The following JARID2 variants were observed in gnomAD, a reference collection of about 807,000 sequenced individuals.
The protein encoded by JARID2 is jumonji and AT-rich interaction domain containing 2, also known as protein Jumonji.
JARID2 carries 21 observed loss-of-function variants against 125.6 expected under a neutral mutation model. The observed-to-expected ratio is 0.17, with a 90% CI of 0.12 to 0.24. The LOEUF (loss-of-function observed/expected upper bound fraction) is 0.24, where lower values mean the gene tolerates loss of function less well. Ranked by LOEUF, JARID2 falls within the 10% of genes least tolerant of loss-of-function variation. The probability of loss-of-function intolerance (pLI) is 1.00; values close to 1 mark genes in which losing one functional copy is unlikely to be tolerated. For missense variants in JARID2, 1,303 were observed against 1,639.6 expected (o/e 0.79, Z 3.55); for synonymous variants, 736 against 661.6 (o/e 1.11, Z -1.73).
At chr6:15,287,980 A>G (rs1472814338) in intron 1 of JARID2, among the ~76,000 whole-genome samples, 1 of 152,164 alleles carries the variant, frequency 6.6e-6, no homozygotes, top group Non-Finnish European at 1.5e-5. Context: ...GAATACTTGT[A>G]TCTTGGATGA....
chr6:15,378,353 CAT>C, intron 2 of JARID2, among the ~76,000 whole-genome samples: 1 of 152,178 alleles, frequency 6.6e-6, no homozygotes, highest in East Asian at 1.9e-4. Context: ...TAGGAGGTGA[CAT>C]ATGCTGTGCA....
chr6:15,447,920 T>C (rs1767745202), intron 3 of JARID2, among the ~76,000 whole-genome samples: 1 of 152,194 alleles, frequency 6.6e-6, no homozygotes, highest in African/African-American at 2.4e-5. Context: ...TTTTCCTATA[T>C]CCAGCATTCT....
chr6:15,382,164 G>T (rs9358059), intron 2 of JARID2, among the ~76,000 whole-genome samples: 57,054 of 152,080 alleles, frequency 0.38, 10,869 homozygotes, highest in Admixed American at 0.45. Flanking sequence ...TCAGGAGGTT[G>T]AAGCAGGAGA....
intron 1 of JARID2, among the ~76,000 whole-genome samples, chr6:15,307,955 A>G (rs1320539968): frequency 6.6e-6 from 1 of 152,194 alleles, no homozygotes; most frequent in East Asian, 1.9e-4. Flanking sequence ...GTCAACTAAA[A>G]CAAGCACTTG....
intron 1 of JARID2, among the ~76,000 whole-genome samples, chr6:15,272,066 A>G (rs1344739816): frequency 6.6e-6 from 1 of 152,126 alleles, no homozygotes; most frequent in African/African-American, 2.4e-5. Context: ...TGGAGGTTGC[A>G]GCGAGCCAGG....
intron 1 of JARID2, among the ~76,000 whole-genome samples, chr6:15,343,979 G>A (rs562161560): frequency 2.0e-5 from 3 of 152,172 alleles, no homozygotes; most frequent in Non-Finnish European, 2.9e-5. Context: ...CTGATCCTGC[G>A]GAGAGGACCC....
intron 4 of JARID2, among the ~76,000 whole-genome samples, chr6:15,455,759 C>G (rs1019529815): frequency 9.9e-5 from 15 of 152,228 alleles, no homozygotes; most frequent in Admixed American, 6.5e-5. Flanking sequence ...AACTCCTGAC[C>G]TCAGGTGATC....
At chr6:15,338,444 G>T (rs1443601892) in intron 1 of JARID2, among the ~76,000 whole-genome samples, 1 of 152,230 alleles carries the variant, frequency 6.6e-6, no homozygotes, top group African/African-American at 2.4e-5. Context: ...GCTTCAGAAA[G>T]AAACCATTTA....
intron 1 of JARID2, among the ~76,000 whole-genome samples, chr6:15,287,146 A>G (rs1271009793): frequency 6.6e-6 from 1 of 151,690 alleles, no homozygotes; most frequent in East Asian, 1.9e-4. Context: ...AGAAAACACA[A>G]ACAAACAAAC....
At chr6:15,416,293 G>A (rs1040489146) in intron 3 of JARID2, among the ~76,000 whole-genome samples, 7 of 152,188 alleles carry the variant, frequency 4.6e-5, no homozygotes, top group African/African-American at 1.4e-4. Context: ...GGTGGCGGCC[G>A]GGCAGAGGCT....
chr6:15,275,113 A>G (rs1461036026), intron 1 of JARID2, among the ~76,000 whole-genome samples: 2 of 151,988 alleles, frequency 1.3e-5, no homozygotes, highest in African/African-American at 4.8e-5. Flanking sequence ...ACCAGTGGAG[A>G]AGGTGTGTGG....
intron 1 of JARID2, among the ~76,000 whole-genome samples, chr6:15,316,145 T>C (rs1364068257): frequency 6.6e-6 from 1 of 151,800 alleles, no homozygotes; most frequent in Admixed American, 6.6e-5. Context: ...TGACATGGAG[T>C]CTCACTCTTG....
chr6:15,250,229 T>C (rs891047295), intron 1 of JARID2, among the ~76,000 whole-genome samples: 7 of 152,228 alleles, frequency 4.6e-5, no homozygotes, highest in African/African-American at 1.4e-4. Flanking sequence ...GTTTTTGTTA[T>C]AAGCTTCAAA....
intron 3 of JARID2, among the ~76,000 whole-genome samples, chr6:15,445,230 G>A (rs1767623112): frequency 6.6e-6 from 1 of 152,170 alleles, no homozygotes. Context: ...TGGGGAGGAA[G>A]GGGCACAGGG....
At position 15,426,707 on chromosome 6, in the gene JARID2, C is replaced by T. The variant is rs1329030771; in HGVS notation, c.323+16342C>T. Reference sequence around the variant, plus strand: ...TGTCTTCACCTTAGTAAATGAAAAACAAACCCCAATCTTGCTTGCTTGCTG... The same window carrying T: ...TGTCTTCACCTTAGTAAATGAAAAATAAACCCCAATCTTGCTTGCTTGCTG... On this transcript the variant is annotated intron_variant, in intron 3 of 17. Coordinates refer to ENST00000341776, the MANE Select transcript of JARID2 (RefSeq NM_004973.4). 2.6e-5 allele frequency among the ~76,000 whole-genome samples: 4 copies of T among 152,284 alleles called. No individual in the cohort carries two copies. The East Asian group carries it at 5.8e-4, about 22-fold the overall frequency.
intron 1 of JARID2, among the ~76,000 whole-genome samples, chr6:15,336,442 G>C (rs1762882168): frequency 6.6e-6 from 1 of 152,238 alleles, no homozygotes; most frequent in Admixed American, 6.5e-5. Flanking sequence ...AACTTAGTTA[G>C]AGCTGGAGTA....
intron 2 of JARID2, among the ~76,000 whole-genome samples, chr6:15,407,795 A>G (rs1581516505): frequency 6.6e-6 from 1 of 152,254 alleles, no homozygotes; most frequent in African/African-American, 2.4e-5. Context: ...TGAGTGATGC[A>G]TATGTCTGTG....
At chr6:15,479,355 CTT>C (rs1459449916) in intron 5 of JARID2, among the ~76,000 whole-genome samples, 1 of 152,104 alleles carries the variant, frequency 6.6e-6, no homozygotes, top group East Asian at 1.9e-4. Context: ...TCATAAAAGT[CTT>C]TTAATTTTAG....
chr6:15,512,492 C>A, intron 14 of JARID2, 102 bp downstream of exon 14: 1 of 1,064,606 alleles, frequency 9.4e-7, no homozygotes, highest in Non-Finnish European at 1.4e-6. Flanking sequence ...GTCTATTTGT[C>A]AATAGTTCCT....
Sources: gnomAD v4.1 joint callset for allele counts (sites outside exome capture counted in the v4.1 genomes callset) on GRCh38, gnomAD v4.1.1 for gene constraint, MANE v1.5 for transcripts, NCBI Gene and HGNC (gene_info 2026-07-23, HGNC 2026-07-21) for gene names.